The following CD300C variants were observed in gnomAD, a reference collection of about 807,000 sequenced individuals.
The protein encoded by CD300C is CD300c molecule.
A neutral mutation model predicts 18.4 loss-of-function variants in CD300C; 11 were observed. That is an observed-to-expected ratio of 0.60 (90% CI 0.38 to 0.99). CD300C has a LOEUF of 0.99. CD300C is among the 50% of genes least tolerant of loss of function. The pLI is 0.01. For synonymous variants in CD300C, 116 were observed against 116.3 expected (o/e 1.00, Z 0.02); for missense variants, 277 against 287.4 (o/e 0.96, Z 0.26).
chr17:74,534,739 A>T, the CD300C span, among the ~76,000 whole-genome samples: 1 of 152,254 alleles, frequency 6.6e-6, no homozygotes, highest in East Asian at 1.9e-4. Flanking sequence ...CATCTAAAAA[A>T]ATTAATATAA....
At chr17:74,542,813 A>T (rs1446679208) in intron 3 of CD300C, 48 bp downstream of exon 3, 1 of 1,572,302 alleles carries the variant, frequency 6.4e-7, no homozygotes, top group African/African-American at 1.4e-5. Context: ...CATCACACGC[A>T]GTGGGGAGGC....
chr17:74,541,476 C>T lies in CD300C; in HGVS notation c.*113G>A. The T allele has an allele frequency of 1.3e-6, 1 of 751,360 alleles. No individual in the cohort carries two copies. Among genetic ancestry groups the T allele is most frequent in the Non-Finnish European group, 2.4e-6 (1 of 422,608 alleles). The allele number at this position is 751,360 out of a possible 1,614,324, so 46.5% of individuals were successfully genotyped here. A position where few individuals can be genotyped will look rare whatever the true frequency, so the allele number is the denominator to read the frequency against. On this transcript the variant is annotated 3_prime_UTR_variant, in exon 4 of 4. Coordinates refer to ENST00000330793, the MANE Select transcript of CD300C (RefSeq NM_006678.5). ...CAGGGAAAAGGCTGAAGGAGGCTCA[C>T]AAAGGATTCCAGGAGATGTGGAGAG...
Position 74,541,149 on chromosome 17 carries a change from A to G in CD300C, c.*440T>C, listed in dbSNP as rs190592282. The stretch of plus-strand genomic sequence containing the variant: ...TATTAAAGTTTGAAAGCATCATTGA[A>G]TCGACACACTCAGCAAATGGAAGCA... On this transcript the variant is annotated 3_prime_UTR_variant, in exon 4 of 4. Transcript: ENST00000330793. 2.1e-4 allele frequency: 35 copies of G among 167,716 alleles called. No homozygotes were observed. The highest frequency in any genetic ancestry group is 1.5e-3 in the Admixed American group (27 of 17,836). The allele number at this position is 167,716 out of a possible 1,614,324, so 10.4% of individuals were successfully genotyped here.
downstream of CD300C, among the ~76,000 whole-genome samples, chr17:74,539,509 G>GAC (rs377550054): frequency 1.4e-4 from 22 of 152,022 alleles, no homozygotes; most frequent in Non-Finnish European, 4.4e-5. Flanking sequence ...TGTGACCCCT[G>GAC]ACACACACAC....
downstream of CD300C, among the ~76,000 whole-genome samples, chr17:74,539,535 C>T (rs1322299574): frequency 6.6e-6 from 1 of 152,160 alleles, no homozygotes; most frequent in Non-Finnish European, 1.5e-5. Flanking sequence ...CCTGGGGAGG[C>T]ACTGCTGAAC....
At chr17:74,538,053 C>T (rs183525667), downstream of CD300C, among the ~76,000 whole-genome samples, 2 of 152,282 alleles carry the variant, frequency 1.3e-5, no homozygotes, top group Admixed American at 1.3e-4. Flanking sequence ...ATTACTTAAA[C>T]TGGATGGTGG....
chr17:74,536,244 G>C (rs1175745359), downstream of CD300C, among the ~76,000 whole-genome samples: 1 of 152,058 alleles, frequency 6.6e-6, no homozygotes, highest in Non-Finnish European at 1.5e-5. Flanking sequence ...AAAGCCAATA[G>C]CCCAGGAAAG....
chr17:74,543,098 G>T, intron 2 of CD300C, 111 bp from the exon 3 acceptor site: 6 of 1,422,130 alleles, frequency 4.2e-6, no homozygotes, highest in Non-Finnish European at 5.9e-6. Flanking sequence ...GTGCTGGACA[G>T]ATGCCCTGCA....
rs370897171 is a variant in CD300C at position 74,544,629 on chromosome 17, A to T, written c.380T>A (p.Val127Asp). The stretch of plus-strand genomic sequence containing the variant: ...CTCACCCGGGAACACGGACACCTCA[A>T]CCTCGACAATGGGATCATGAAAGTC... ...LRDFHDPIVEVEVSVFPAGTT... is the reference protein window; with the variant it reads ...LRDFHDPIVEDEVSVFPAGTT... The change falls in exon 2 of 4, where the codon GTT becomes GAT. Residue 127 changes from valine to aspartate, a missense_variant. Transcript: ENST00000330793. 2 of 1,612,108 alleles carry T rather than the reference A, an allele frequency of 1.2e-6. No homozygotes were observed. The highest frequency in any genetic ancestry group is 2.7e-5 in the African/African-American group (2 of 74,838).
downstream of CD300C, among the ~76,000 whole-genome samples, chr17:74,538,707 T>G (rs1006798794): frequency 1.3e-5 from 2 of 152,192 alleles, no homozygotes; most frequent in African/African-American, 4.8e-5. Context: ...TCTTCAGAGG[T>G]GCAGGAATCA....
rs746977975 is a variant in CD300C, at chr17:74,545,797, T to A, written c.-15A>T. ...CTGGCAGTCATTCCTGTAACACGAA[T>A]GTCACCTGCCACTGTGCAAGACCCC... On this transcript the variant is annotated 5_prime_UTR_variant, in exon 1 of 4. Transcript: ENST00000330793. The A allele has an allele frequency of 5.6e-6, 9 of 1,601,340 alleles. No homozygotes were observed. Among genetic ancestry groups the A allele is most frequent in the Non-Finnish European group, 7.7e-6 (9 of 1,174,164 alleles).
intron 1 of CD300C, 61 bp from the exon 2 acceptor site, chr17:74,545,008 A>C: frequency 1.4e-6 from 2 of 1,468,618 alleles, no homozygotes; most frequent in Non-Finnish European, 1.9e-6. Flanking sequence ...GGGGTGCCGC[A>C]GTGTCAGCCC....
the CD300C span, among the ~76,000 whole-genome samples, chr17:74,535,968 G>C: frequency 2.0e-5 from 3 of 152,204 alleles, no homozygotes; most frequent in South Asian, 6.2e-4. Context: ...ATTGCAGATT[G>C]CTGGGAAAAT....
At chr17:74,542,250 T>C (rs1331456263) in intron 3 of CD300C, among the ~76,000 whole-genome samples, 2 of 152,194 alleles carry the variant, frequency 1.3e-5, no homozygotes, top group Non-Finnish European at 2.9e-5. Context: ...CTCAGAGGAC[T>C]GGGCTTATCA....
intron 3 of CD300C, 57 bp from the exon 4 acceptor site, chr17:74,541,793 C>G: frequency 6.4e-7 from 1 of 1,560,924 alleles, no homozygotes; most frequent in Non-Finnish European, 8.7e-7. Flanking sequence ...CCCAGGTGCC[C>G]TCCACCATCC....
chr17:74,538,817 G>A (rs1309577433), downstream of CD300C, among the ~76,000 whole-genome samples: 9 of 152,322 alleles, frequency 5.9e-5, no homozygotes, highest in African/African-American at 1.9e-4. Context: ...ACTGGCACCT[G>A]CCCTGTGGCT....
rs201299927 is a variant in CD300C, at chr17:74,545,759, C to T, written c.24G>A (p.Ser8=). The T allele has an allele frequency of 8.7e-6, 14 of 1,609,564 alleles. No individual in the cohort carries two copies. In the East Asian group the frequency reaches 8.9e-5, roughly 10 times the overall value. ...GGAGGAGCAGAGCTGAAGACCGCCACGAGGCCCAGGCCCTGGCAGTCATTC... is the reference window on the plus strand; with the variant it reads ...GGAGGAGCAGAGCTGAAGACCGCCATGAGGCCCAGGCCCTGGCAGTCATTC... MTARAWA[S]WRSSALLLLL... The change falls in exon 1 of 4, where the codon TCG becomes TCA. Residue 8 remains serine, a synonymous_variant. Transcript: ENST00000330793.
chr17:74,535,543 A>G, the CD300C span, among the ~76,000 whole-genome samples: 4 of 151,974 alleles, frequency 2.6e-5, no homozygotes, highest in African/African-American at 9.6e-5. Context: ...TAACAAATAT[A>G]TGAGCAAATA....
chr17:74,543,086 A>T, intron 2 of CD300C, 99 bp from the exon 3 acceptor site: 1 of 1,507,646 alleles, frequency 6.6e-7, no homozygotes, highest in Non-Finnish European at 9.1e-7. Context: ...GTCACCAATG[A>T]TGTGCTGGAC....
Sources: allele counts gnomAD v4.1 joint callset (sites outside exome capture counted in the v4.1 genomes callset), GRCh38; gene constraint gnomAD v4.1.1; transcripts MANE v1.5; gene names NCBI Gene and HGNC (gene_info 2026-07-23, HGNC 2026-07-21).